FTO: variants seen among roughly 807,000 people sequenced by gnomAD.
FTO encodes FTO alpha-ketoglutarate dependent dioxygenase.
Under a neutral mutation model 63.9 loss-of-function variants are expected in FTO, and 47 were observed. The observed-to-expected ratio is 0.74, with a 90% CI of 0.58 to 0.94. FTO has a LOEUF of 0.94. FTO is among the 40% of genes least tolerant of loss of function. The pLI is 0.00. For synonymous variants in FTO, 207 were observed against 224.4 expected, an observed-to-expected ratio of 0.92 and a Z score of 0.69; for missense variants, 562 against 618.1, an observed-to-expected ratio of 0.91 and a Z score of 0.96.
chr16:53,811,554 T>C (rs1303576620), intron 2 of FTO, among the ~76,000 whole-genome samples: 1 of 152,144 alleles, frequency 6.6e-6, no homozygotes, highest in Non-Finnish European at 1.5e-5. Flanking sequence ...TATAGGTCTG[T>C]CTAGTTTTCC....
intron 1 of FTO, among the ~76,000 whole-genome samples, chr16:53,704,779 C>A (rs1181414720): frequency 6.6e-6 from 1 of 152,148 alleles, no homozygotes; most frequent in African/African-American, 2.4e-5. Flanking sequence ...ATAATGGCAA[C>A]AGAGATTTTA....
intron 1 of FTO, among the ~76,000 whole-genome samples, chr16:53,723,063 G>A (rs1265310353): frequency 1.3e-5 from 2 of 152,110 alleles, no homozygotes; most frequent in African/African-American, 4.8e-5. Flanking sequence ...AACTGCTGCT[G>A]TCACCTTTGC....
intron 1 of FTO, among the ~76,000 whole-genome samples, chr16:53,770,484 G>T (rs765574523): frequency 3.3e-5 from 5 of 152,050 alleles, no homozygotes; most frequent in Non-Finnish European, 7.4e-5. Context: ...TGTTTATTTT[G>T]ATGTTGAGTG....
At position 54,042,606 on chromosome 16, in the gene FTO, C is replaced by T. The variant is rs1380519278; in HGVS notation, c.1365-69156C>T. Among the ~76,000 whole-genome samples, 79 of 63,312 alleles carry T rather than the reference C, an allele frequency of 1.2e-3. 6 individuals are homozygous for T. Among genetic ancestry groups the T allele is most frequent in the Admixed American group, 1.2e-3 (7 of 5,790 alleles). 41.5% of individuals were successfully genotyped at this position (63,312 alleles called of 152,430 possible). A position where few individuals can be genotyped will look rare whatever the true frequency, so the allele number is the denominator to read the frequency against. ...AGCTTGAACTGGGTGGAGCCCACCA[C>T]AGCTCAAGGAGGCCTGCCTGCCTCT... On this transcript the variant is annotated intron_variant, in intron 8 of 8. Coordinates refer to ENST00000471389, the MANE Select transcript of FTO (RefSeq NM_001080432.3).
In FTO at chr16:53,917,687, A is replaced by C. The variant is rs1246013916; in HGVS notation, c.1240-16298A>C. 2.7e-5 allele frequency among the ~76,000 whole-genome samples: 4 copies of C among 149,800 alleles called. No individual in the cohort carries two copies. In the East Asian group the frequency reaches 7.9e-4, roughly 29 times the overall value. On this transcript the variant is annotated intron_variant, in intron 7 of 8. Transcript: ENST00000471389. ...AATAGGTCCTGAATTCCTATTTGAG[A>C]GCCATACCACAAAATTGAGTGAGTG...
intron 1 of FTO, among the ~76,000 whole-genome samples, chr16:53,802,152 A>AAT (rs1382468329): frequency 6.6e-6 from 1 of 152,168 alleles, no homozygotes; most frequent in East Asian, 1.9e-4. Flanking sequence ...GACCCCTGCA[A>AAT]ATATAAAAAT....
intron 3 of FTO, among the ~76,000 whole-genome samples, chr16:53,839,866 G>A (rs978063942): frequency 6.0e-5 from 9 of 150,716 alleles, no homozygotes; most frequent in South Asian, 2.1e-4. Context: ...GTGCAGTGGC[G>A]CGATCTCGGC....
intron 1 of FTO, among the ~76,000 whole-genome samples, chr16:53,756,270 T>A (rs962606981): frequency 1.3e-5 from 2 of 152,174 alleles, no homozygotes; most frequent in Non-Finnish European, 2.9e-5. Context: ...CTTCATGGCC[T>A]TCTGTAATAG....
At chr16:53,944,860 T>C (rs894969717) in intron 8 of FTO, among the ~76,000 whole-genome samples, 2 of 152,188 alleles carry the variant, frequency 1.3e-5, no homozygotes, top group Non-Finnish European at 2.9e-5. Flanking sequence ...GCCACCCTTA[T>C]CCAAATTGGC....
intron 8 of FTO, among the ~76,000 whole-genome samples, chr16:53,982,160 C>T (rs766368334): frequency 6.6e-6 from 1 of 152,098 alleles, no homozygotes; most frequent in Non-Finnish European, 1.5e-5. Flanking sequence ...TCAGTCCTCA[C>T]CTCACCACAT....
At position 53,825,938 on chromosome 16, in the gene FTO, A is replaced by C. The variant is rs1414523806; in HGVS notation, c.198A>C (p.Gln66His). ...CTGAGGAGCTCCATAAAGAGGTTCAAGAAGCCTTTCTCACACTGCACAAGC... is the reference window on the plus strand; with the variant it reads ...CTGAGGAGCTCCATAAAGAGGTTCACGAAGCCTTTCTCACACTGCACAAGC... Reference protein sequence around the residue: ...SVSEELHKEVQEAFLTLHKHG... With the variant: ...SVSEELHKEVHEAFLTLHKHG... Residue 66 changes from glutamine to histidine, a missense_variant, in exon 3 of 9, where the codon CAA (glutamine) becomes CAC (histidine). Transcript: ENST00000471389. The C allele has an allele frequency of 6.2e-7, 1 of 1,614,186 alleles. No individual in the cohort carries two copies. The highest frequency in any genetic ancestry group is 2.2e-5 in the East Asian group (1 of 44,888).
At chr16:54,017,358 A>C (rs1232205695) in intron 8 of FTO, among the ~76,000 whole-genome samples, 1 of 152,188 alleles carries the variant, frequency 6.6e-6, no homozygotes, top group Non-Finnish European at 1.5e-5. Flanking sequence ...GGCCCCTCTG[A>C]TGCCAACAAT....
chr16:53,782,764 A>G (rs567349573), intron 1 of FTO, among the ~76,000 whole-genome samples: 1 of 152,342 alleles, frequency 6.6e-6, no homozygotes, highest in South Asian at 2.1e-4. Flanking sequence ...TAAACCTTCG[A>G]CACAAAGTGC....
chr16:53,912,641 C>G (rs1193811647), intron 7 of FTO, among the ~76,000 whole-genome samples: 1 of 152,138 alleles, frequency 6.6e-6, no homozygotes, highest in Non-Finnish European at 1.5e-5. Context: ...GGAGCCTCTT[C>G]TTAATGGGGA....
intron 1 of FTO, among the ~76,000 whole-genome samples, chr16:53,784,313 A>C (rs2077675079): frequency 6.6e-6 from 1 of 152,106 alleles, no homozygotes; most frequent in Non-Finnish European, 1.5e-5. Flanking sequence ...AAATAACCTA[A>C]ACTGGTAATA....
At chr16:53,772,892 C>T (rs1412276429) in intron 1 of FTO, among the ~76,000 whole-genome samples, 1 of 152,086 alleles carries the variant, frequency 6.6e-6, no homozygotes, top group Non-Finnish European at 1.5e-5. Context: ...ACAAAGTTTG[C>T]TACTTTTCAT....
chr16:53,836,875 A>G (rs1456569608), intron 3 of FTO, among the ~76,000 whole-genome samples: 1 of 152,068 alleles, frequency 6.6e-6, no homozygotes, highest in African/African-American at 2.4e-5. Flanking sequence ...GAAACTGGGT[A>G]TTGGGTGTGT....
intron 1 of FTO, among the ~76,000 whole-genome samples, chr16:53,781,667 G>C (rs954185996): frequency 4.6e-5 from 7 of 152,182 alleles, no homozygotes; most frequent in African/African-American, 1.7e-4. Context: ...GGAGGCAGAG[G>C]TTGAAAAATC....
At chr16:53,757,346 T>C (rs889746163) in intron 1 of FTO, among the ~76,000 whole-genome samples, 19 of 152,130 alleles carry the variant, frequency 1.2e-4, no homozygotes, top group Non-Finnish European at 2.5e-4. Context: ...TTATGGCTGA[T>C]CATTTTGTGT....
Sources: gnomAD v4.1 joint callset for allele counts (sites outside exome capture counted in the v4.1 genomes callset) on GRCh38, gnomAD v4.1.1 for gene constraint, MANE v1.5 for transcripts, NCBI Gene and HGNC (gene_info 2026-07-23, HGNC 2026-07-21) for gene names.